SCRG1: variants seen among roughly 807,000 people sequenced by gnomAD.
The protein encoded by SCRG1 is scrapie-responsive protein 1.
SCRG1 carries 3 observed loss-of-function variants against 7.7 expected under a neutral mutation model. The observed-to-expected ratio is 0.39, with a 90% CI of 0.18 to 1.01. The LOEUF is 1.01. Ranked by LOEUF, SCRG1 falls within the 50% of genes least tolerant of loss-of-function variation. The probability of loss-of-function intolerance (pLI) is 0.36; values close to 1 mark genes in which losing one functional copy is unlikely to be tolerated. For missense variants in SCRG1, 110 were observed against 117.2 expected, an observed-to-expected ratio of 0.94 and a Z score of 0.28; for synonymous variants, 46 against 41.2, an observed-to-expected ratio of 1.12 and a Z score of -0.44.
chr4:173,416,706 C>G, the SCRG1 span, among the ~76,000 whole-genome samples: 1 of 152,126 alleles, frequency 6.6e-6, no homozygotes, highest in African/African-American at 2.4e-5. Flanking sequence ...GGGCTATCCC[C>G]CGGCTCCTGG....
the SCRG1 span, among the ~76,000 whole-genome samples, chr4:173,483,813 A>T: frequency 1.5e-3 from 20 of 12,982 alleles, 7 homozygotes; most frequent in East Asian, 0.022. Context: ...TATGATATGT[A>T]ATATATATAA....
chr4:173,415,581 G>T, the SCRG1 span, among the ~76,000 whole-genome samples: 4 of 152,292 alleles, frequency 2.6e-5, no homozygotes, highest in East Asian at 7.7e-4. Context: ...AAGGGAAAGA[G>T]AACTGGCATT....
the SCRG1 span, among the ~76,000 whole-genome samples, chr4:173,506,238 G>A: frequency 6.6e-6 from 1 of 152,216 alleles, no homozygotes; most frequent in Non-Finnish European, 1.5e-5. This position sits in a 1 kb window ranked among gnomAD's most constrained non-coding sequence, Gnocchi z 5.3. Flanking sequence ...GAATAGGGAC[G>A]TAGGCCCTAC....
the SCRG1 span, among the ~76,000 whole-genome samples, chr4:173,476,363 A>ATAT: frequency 9.9e-3 from 971 of 98,506 alleles, 30 homozygotes; most frequent in African/African-American, 0.025. Context: ...GGAAAAAAAA[A>ATAT]ATATATATAT....
chr4:173,511,684 C>G, the SCRG1 span, among the ~76,000 whole-genome samples: 1 of 152,006 alleles, frequency 6.6e-6, no homozygotes, highest in Non-Finnish European at 1.5e-5. This position sits in a 1 kb window ranked among gnomAD's most constrained non-coding sequence, Gnocchi z 5.2. Context: ...CCCTAAAGGC[C>G]CATTTCCAGT....
At chr4:173,474,411 G>C in the SCRG1 span, among the ~76,000 whole-genome samples, 1 of 152,180 alleles carries the variant, frequency 6.6e-6, no homozygotes, top group East Asian at 1.9e-4. Context: ...TTTGTGGATG[G>C]GGAGACAGAA....
At chr4:173,485,006 TATAA>T in the SCRG1 span, among the ~76,000 whole-genome samples, 1 of 11,074 alleles carries the variant, frequency 9.0e-5, no homozygotes, top group Non-Finnish European at 1.9e-4. Flanking sequence ...ATATTATAAA[TATAA>T]TATATAATAT....
the SCRG1 span, among the ~76,000 whole-genome samples, chr4:173,411,742 T>C: frequency 6.6e-6 from 1 of 152,230 alleles, no homozygotes; most frequent in Non-Finnish European, 1.5e-5. Flanking sequence ...TTATTGATTT[T>C]TAGAAATTAA....
chr4:173,413,440 C>T, the SCRG1 span, among the ~76,000 whole-genome samples: 1 of 152,326 alleles, frequency 6.6e-6, no homozygotes, highest in African/African-American at 2.4e-5. Context: ...GAGGCATCTT[C>T]CAGCCTCCAG....
At chr4:173,426,987 G>A in the SCRG1 span, among the ~76,000 whole-genome samples, 19 of 152,192 alleles carry the variant, frequency 1.2e-4, no homozygotes, top group Non-Finnish European at 2.5e-4. Context: ...TTATATGCAT[G>A]TTTTAGCATT....
upstream of SCRG1, among the ~76,000 whole-genome samples, chr4:173,409,955 T>C (rs1257382279): frequency 2.0e-5 from 3 of 152,154 alleles, no homozygotes; most frequent in Non-Finnish European, 4.4e-5. Flanking sequence ...AAAAAGAACA[T>C]TTTGTGGCCT....
the SCRG1 span, among the ~76,000 whole-genome samples, chr4:173,496,283 G>A: frequency 1.3e-5 from 2 of 151,872 alleles, 1 homozygote; most frequent in South Asian, 4.2e-4. Flanking sequence ...AATGATGCAG[G>A]CAAAACTCAA....
At chr4:173,508,779 G>C in the SCRG1 span, among the ~76,000 whole-genome samples, 1 of 152,206 alleles carries the variant, frequency 6.6e-6, no homozygotes, top group African/African-American at 2.4e-5. This position sits in a 1 kb window ranked among gnomAD's most constrained non-coding sequence, Gnocchi z 4.4. Flanking sequence ...GCCACCAAGA[G>C]ACCACTCCGC....
the SCRG1 span, among the ~76,000 whole-genome samples, chr4:173,485,548 T>C: frequency 2.0e-4 from 30 of 152,124 alleles, no homozygotes; most frequent in Non-Finnish European, 3.7e-4. Flanking sequence ...AATTTAATGG[T>C]AGTTGTTTTA....
At chr4:173,437,952 T>C in the SCRG1 span, among the ~76,000 whole-genome samples, 1 of 152,220 alleles carries the variant, frequency 6.6e-6, no homozygotes, top group Non-Finnish European at 1.5e-5. Context: ...AGGCCTGCTA[T>C]ACCACATCAT....
At chr4:173,438,920 T>C in the SCRG1 span, among the ~76,000 whole-genome samples, 1 of 152,038 alleles carries the variant, frequency 6.6e-6, no homozygotes, top group Non-Finnish European at 1.5e-5. Flanking sequence ...TGGGTTCCTC[T>C]TCTTCCTGGA....
chr4:173,466,015 T>C, the SCRG1 span, among the ~76,000 whole-genome samples: 3 of 152,138 alleles, frequency 2.0e-5, no homozygotes, highest in East Asian at 5.8e-4. Context: ...CAATAAAGGA[T>C]ACTTGGCACA....
chr4:173,469,383 T>G, the SCRG1 span: 1 of 152,156 alleles, frequency 6.6e-6, no homozygotes, highest in Non-Finnish European at 1.5e-5. Flanking sequence ...ATATTTAATT[T>G]TTATGAATTT....
chr4:173,512,217 C>T, the SCRG1 span, among the ~76,000 whole-genome samples: 1 of 152,276 alleles, frequency 6.6e-6, no homozygotes, highest in South Asian at 2.1e-4. Context: ...GGGCATTAGT[C>T]CAATACAGTG....
Sources: allele counts gnomAD v4.1 joint callset (sites outside exome capture counted in the v4.1 genomes callset), GRCh38; gene constraint gnomAD v4.1.1; non-coding constraint Gnocchi (gnomAD v3.1); transcripts MANE v1.5; gene names NCBI Gene and HGNC (gene_info 2026-07-23, HGNC 2026-07-21).